NOL4: variants seen among roughly 807,000 people sequenced by gnomAD.
The protein encoded by NOL4 is cancer/testis antigen 125.
In NOL4, 17 loss-of-function variants were observed where a neutral mutation model predicts 75.9. The observed-to-expected ratio is 0.22, with a 90% CI of 0.15 to 0.34. The LOEUF is 0.34. Among genes scored for constraint, NOL4 ranks in the 10% least tolerant of loss-of-function variants. The pLI, the probability that NOL4 is intolerant of heterozygous loss-of-function variation, is 1.00. For missense variants in NOL4, 614 were observed against 793.5 expected (o/e 0.77, Z 2.72); for synonymous variants, 292 against 289.9 (o/e 1.01, Z -0.07).
At chr18:34,064,500 C>T (rs536344484) in intron 5 of NOL4, among the ~76,000 whole-genome samples, 4 of 150,802 alleles carry the variant, frequency 2.7e-5, no homozygotes, top group African/African-American at 9.6e-5. Context: ...GCAGAATCTA[C>T]ATCTAATCAT....
intron 6 of NOL4, among the ~76,000 whole-genome samples, chr18:34,012,500 T>C (rs1008726663): frequency 6.6e-6 from 1 of 151,800 alleles, no homozygotes; most frequent in Non-Finnish European, 1.5e-5. Flanking sequence ...ACTATTTATA[T>C]GTGTGTGTGT....
intron 1 of NOL4, among the ~76,000 whole-genome samples, chr18:34,162,872 C>T (rs111279133): frequency 0.19 from 29,062 of 152,146 alleles, 2,983 homozygotes; most frequent in Middle Eastern, 0.24. Flanking sequence ...TCTAGCAGCA[C>T]ATCAAAAAGC....
chr18:33,957,801 G>A (rs1396844688), intron 7 of NOL4, among the ~76,000 whole-genome samples: 1 of 152,132 alleles, frequency 6.6e-6, no homozygotes. Context: ...CAGAGACTGT[G>A]ACAATTGAGC....
chr18:34,128,892 G>A, intron 2 of NOL4: 2 of 958,274 alleles, frequency 2.1e-6, no homozygotes, highest in Non-Finnish European at 2.5e-6. Context: ...TTCTGTATCT[G>A]AAAAAAAAAT....
intron 9 of NOL4, among the ~76,000 whole-genome samples, chr18:33,940,573 A>G (rs1439850693): frequency 1.3e-5 from 2 of 151,970 alleles, no homozygotes; most frequent in Non-Finnish European, 2.9e-5. Context: ...GGGGAGGGAT[A>G]GCATCAGGAG....
intron 1 of NOL4, among the ~76,000 whole-genome samples, chr18:34,177,800 G>T (rs2033680036): frequency 6.6e-6 from 1 of 151,706 alleles, no homozygotes; most frequent in African/African-American, 2.4e-5. Context: ...TTAGTTCCCA[G>T]ATAAACAAAA....
chr18:34,215,023 G>C (rs1217250222), intron 1 of NOL4, among the ~76,000 whole-genome samples: 1 of 152,132 alleles, frequency 6.6e-6, no homozygotes, highest in African/African-American at 2.4e-5. Context: ...AAAGGAAAAA[G>C]GGGAACTGTT....
chr18:33,976,731 G>A (rs2071515944), intron 6 of NOL4, among the ~76,000 whole-genome samples: 1 of 152,114 alleles, frequency 6.6e-6, no homozygotes, highest in Admixed American at 6.5e-5. Flanking sequence ...TCTCCTTTTA[G>A]AGTTAAGTTT....
intron 1 of NOL4, among the ~76,000 whole-genome samples, chr18:34,143,665 GAGACC>G (rs1338379858): frequency 6.6e-6 from 1 of 151,806 alleles, no homozygotes; most frequent in Non-Finnish European, 1.5e-5. Context: ...TCAGCAGTTC[GAGACC>G]AGCCTGGCCA....
intron 1 of NOL4, 45 bp downstream of exon 1, chr18:34,222,945 G>A (rs1310767840): frequency 1.9e-6 from 3 of 1,591,084 alleles, no homozygotes; most frequent in Non-Finnish European, 2.6e-6. Flanking sequence ...CCTCCCCGCC[G>A]GGCTGCTCCG....
intron 4 of NOL4, among the ~76,000 whole-genome samples, chr18:34,102,801 T>G (rs922408173): frequency 2.1e-5 from 3 of 140,772 alleles, no homozygotes; most frequent in Non-Finnish European, 4.8e-5. Context: ...ATGAAGATAG[T>G]TTTTTTTTAT....
intron 9 of NOL4, among the ~76,000 whole-genome samples, chr18:33,929,638 T>C (rs866616933): frequency 3.4e-4 from 51 of 152,152 alleles, no homozygotes; most frequent in African/African-American, 1.1e-3. Context: ...TACAAGTAAA[T>C]CTGGCACTTA....
intron 6 of NOL4, among the ~76,000 whole-genome samples, chr18:33,971,620 G>GA: frequency 6.6e-6 from 1 of 152,244 alleles, no homozygotes; most frequent in East Asian, 1.9e-4. Flanking sequence ...AGACCTAAGA[G>GA]AAAATGTACA....
At chr18:34,094,071 AC>A (rs1275068139) in intron 4 of NOL4, among the ~76,000 whole-genome samples, 8 of 152,288 alleles carry the variant, frequency 5.3e-5, no homozygotes, top group East Asian at 3.9e-4. Flanking sequence ...AAACAAAAAA[AC>A]AATGGAATAA....
chr18:34,056,981 A>T (rs559448160), intron 5 of NOL4, among the ~76,000 whole-genome samples: 1 of 152,318 alleles, frequency 6.6e-6, no homozygotes, highest in African/African-American at 2.4e-5. Flanking sequence ...AACATTGAAC[A>T]AGGCTTTAGT....
At chr18:33,861,212 C>T (rs1202073190) in intron 10 of NOL4, among the ~76,000 whole-genome samples, 1 of 152,102 alleles carries the variant, frequency 6.6e-6, no homozygotes, top group Admixed American at 6.5e-5. Context: ...AGGAATGGTA[C>T]CAGTTCCTCC....
intron 10 of NOL4, among the ~76,000 whole-genome samples, chr18:33,870,302 T>C (rs147165207): frequency 1.0e-3 from 152 of 152,076 alleles, no homozygotes; most frequent in African/African-American, 2.9e-3. Context: ...TTTGTTCACA[T>C]AGTAGAGAGT....
intron 1 of NOL4, among the ~76,000 whole-genome samples, chr18:34,140,995 C>T (rs1486392026): frequency 6.6e-6 from 1 of 152,038 alleles, no homozygotes; most frequent in Admixed American, 6.6e-5. Context: ...TCTCAGGATA[C>T]AAAATCAATG....
chr18:34,197,101 G>C (rs538494039), intron 1 of NOL4, among the ~76,000 whole-genome samples: 2 of 106,682 alleles, frequency 1.9e-5, no homozygotes, highest in African/African-American at 3.5e-5. Context: ...ACTACAAAAG[G>C]GTGCTAAACT....
Sources: allele counts gnomAD v4.1 joint callset (sites outside exome capture counted in the v4.1 genomes callset), GRCh38; gene constraint gnomAD v4.1.1; transcripts MANE v1.5; gene names NCBI Gene and HGNC (gene_info 2026-07-23, HGNC 2026-07-21).